HELZ: variants seen among roughly 807,000 people sequenced by gnomAD.
HELZ encodes the protein helicase with zinc finger, also known as ATP-dependent RNA helicase with zinc finger domain.
HELZ carries 23 observed loss-of-function variants against 218.2 expected under a neutral mutation model. The observed-to-expected ratio is 0.11, with a 90% CI of 0.08 to 0.15. HELZ has a LOEUF of 0.15. Ranked by LOEUF, HELZ falls within the 10% of genes least tolerant of loss-of-function variation. The probability of loss-of-function intolerance (pLI) is 1.00; values close to 1 mark genes in which losing one functional copy is unlikely to be tolerated. For missense variants in HELZ, 1,813 were observed against 2,353.7 expected, an observed-to-expected ratio of 0.77 and a Z score of 4.75; for synonymous variants, 814 against 829.4, an observed-to-expected ratio of 0.98 and a Z score of 0.32.
intron 23 of HELZ, among the ~76,000 whole-genome samples, chr17:67,131,852 G>C (rs1281736324): frequency 6.6e-6 from 1 of 151,814 alleles, no homozygotes; most frequent in Non-Finnish European, 1.5e-5. Context: ...TCTTTACACT[G>C]GCCCTTGAAC....
intron 3 of HELZ, among the ~76,000 whole-genome samples, chr17:67,219,349 G>A (rs2040685286): frequency 6.6e-6 from 1 of 152,228 alleles, no homozygotes; most frequent in African/African-American, 2.4e-5. Flanking sequence ...CATTTCTCGA[G>A]GGCCAGGCCC....
At chr17:67,229,777 T>C (rs376548422) in intron 3 of HELZ, among the ~76,000 whole-genome samples, 4 of 152,214 alleles carry the variant, frequency 2.6e-5, no homozygotes, top group South Asian at 2.1e-4. Context: ...ACAGGCAAAA[T>C]AGTCTGCAAA....
chr17:67,114,077 A>C (rs1287539588), intron 28 of HELZ, among the ~76,000 whole-genome samples: 2 of 152,248 alleles, frequency 1.3e-5, no homozygotes, highest in Non-Finnish European at 2.9e-5. Flanking sequence ...ACCTTATCAT[A>C]GAAAATCTCT....
In HELZ at chr17:67,145,815, T is replaced by G. The variant is rs748143371; in HGVS notation, c.2697A>C (p.Pro899=). The G allele has an allele frequency of 1.7e-5, 28 of 1,613,508 alleles. No individual in the cohort carries two copies. The South Asian group carries it at 2.3e-4, about 13-fold the overall frequency. ...GKQPAHKDFY[P]LTFFTARGED... ...CTCCTCGTGCTGTAAAGAAAGTTAG[T>G]GGGTAGAAATCTTTGTGTGCTGGCT... is the stretch of plus-strand genomic sequence containing the variant. Residue 899 remains proline, a synonymous_variant, in exon 21 of 33, where the codon CCA becomes CCC. Transcript: ENST00000358691.
intron 31 of HELZ, among the ~76,000 whole-genome samples, chr17:67,100,779 A>C (rs770661484): frequency 1.3e-5 from 2 of 152,168 alleles, no homozygotes; most frequent in Admixed American, 1.3e-4. Context: ...GAAGAGGAAC[A>C]TTCAAAAAAT....
chr17:67,239,588 T>C (rs953155295), intron 2 of HELZ, 99 bp from the exon 3 acceptor site: 15 of 152,182 alleles, frequency 9.9e-5, no homozygotes, highest in Admixed American at 2.0e-4. Flanking sequence ...TCCCAGCATA[T>C]GGTCTTTTGG....
intron 27 of HELZ, among the ~76,000 whole-genome samples, chr17:67,117,090 G>T (rs1598258960): frequency 6.6e-6 from 1 of 151,962 alleles, no homozygotes; most frequent in African/African-American, 2.4e-5. Flanking sequence ...CCTGACCTCA[G>T]GTGATCCGCT....
At chr17:67,091,851 A>G (rs940163951) in intron 31 of HELZ, among the ~76,000 whole-genome samples, 8 of 152,162 alleles carry the variant, frequency 5.3e-5, no homozygotes, top group Non-Finnish European at 1.2e-4. Flanking sequence ...CCTTGATTAT[A>G]GAACACTTAG....
intron 31 of HELZ, among the ~76,000 whole-genome samples, chr17:67,105,097 C>T (rs961068783): frequency 2.0e-5 from 3 of 152,166 alleles, no homozygotes; most frequent in Non-Finnish European, 2.9e-5. Flanking sequence ...CATGCCACTG[C>T]GCTCCAGCCT....
chr17:67,197,540 G>C (rs1466188041), intron 7 of HELZ, among the ~76,000 whole-genome samples: 1 of 152,160 alleles, frequency 6.6e-6, no homozygotes, highest in Non-Finnish European at 1.5e-5. Context: ...GTGCACATTA[G>C]CTGTGTGCAT....
At chr17:67,137,431 G>T (rs892400609) in intron 22 of HELZ, among the ~76,000 whole-genome samples, 8 of 152,126 alleles carry the variant, frequency 5.3e-5, no homozygotes, top group Non-Finnish European at 1.2e-4. Context: ...TCTTACTGCT[G>T]GATATTACCA....
intron 13 of HELZ, 70 bp from the exon 14 acceptor site, chr17:67,167,866 CA>C: frequency 4.0e-6 from 4 of 1,010,982 alleles, no homozygotes; most frequent in Non-Finnish European, 4.4e-6. Flanking sequence ...AAGAGTGAAA[CA>C]AAGTAAATCA....
chr17:67,103,694 T>C (rs2143709033), intron 31 of HELZ, among the ~76,000 whole-genome samples: 1 of 152,326 alleles, frequency 6.6e-6, no homozygotes, highest in Non-Finnish European at 1.5e-5. Flanking sequence ...TTTAAAGCAA[T>C]TCTTTTTTTA....
At chr17:67,205,497 A>G (rs765627513) in intron 5 of HELZ, among the ~76,000 whole-genome samples, 6 of 152,208 alleles carry the variant, frequency 3.9e-5, no homozygotes, top group Non-Finnish European at 7.3e-5. Context: ...AGTCTCCTGC[A>G]TAAGTAAGAA....
At chr17:67,193,860 TTC>T (rs1297914996) in intron 9 of HELZ, 105 bp downstream of exon 9, 6 of 775,968 alleles carry the variant, frequency 7.7e-6, no homozygotes, top group Non-Finnish European at 1.3e-5. Context: ...CCTTTATGGC[TTC>T]TGTTTCAAAT....
chr17:67,235,000 C>T (rs1172182613), intron 3 of HELZ, among the ~76,000 whole-genome samples: 2 of 152,202 alleles, frequency 1.3e-5, no homozygotes, highest in Non-Finnish European at 2.9e-5. Context: ...TTCAATGGCA[C>T]CTATGAAATT....
chr17:67,131,460 T>C (rs958905842), intron 23 of HELZ, among the ~76,000 whole-genome samples: 9 of 152,158 alleles, frequency 5.9e-5, no homozygotes, highest in African/African-American at 1.9e-4. Flanking sequence ...CGAGTTAACG[T>C]GTACCAATTT....
intron 3 of HELZ, 44 bp from the exon 4 acceptor site, chr17:67,218,866 T>A: frequency 2.1e-6 from 3 of 1,405,350 alleles, no homozygotes; most frequent in Non-Finnish European, 3.0e-6. Context: ...TTTAAACTTA[T>A]TAATTATAAA....
intron 28 of HELZ, among the ~76,000 whole-genome samples, chr17:67,111,799 T>C (rs781576778): frequency 1.3e-5 from 2 of 152,136 alleles, no homozygotes; most frequent in Non-Finnish European, 2.9e-5. Flanking sequence ...ATTAAGGTTC[T>C]TCATAAACAA....
Sources: gnomAD v4.1 joint callset for allele counts (sites outside exome capture counted in the v4.1 genomes callset) on GRCh38, gnomAD v4.1.1 for gene constraint, MANE v1.5 for transcripts, NCBI Gene and HGNC (gene_info 2026-07-23, HGNC 2026-07-21) for gene names.